The following TMEM132C variants were observed in gnomAD, a reference collection of about 807,000 sequenced individuals.
TMEM132C encodes protein phosphatase 1, regulatory subunit 152.
In TMEM132C, 29 loss-of-function variants were observed where a neutral mutation model predicts 61.4. The observed-to-expected ratio is 0.47, with a 90% confidence interval of 0.35 to 0.64. The LOEUF (loss-of-function observed/expected upper bound fraction) is 0.64. Among genes scored for constraint, TMEM132C ranks in the 30% least tolerant of loss-of-function variants. TMEM132C has a pLI of 0.00. For synonymous variants in TMEM132C, 656 were observed against 633.1 expected (o/e 1.04, Z -0.54); for missense variants, 1,408 against 1,476.9 (o/e 0.95, Z 0.76).
In TMEM132C at chr12:128,507,384, CTT is replaced by C. The variant is rs573964437; in HGVS notation, c.975-36561_975-36560del. ...CGAAGGTTTGTCCAGGTGTTTTTTTCTTTTTTTTTTTTTCTTTCTTTTTTTTT... is the reference window on the plus strand; with the variant it reads ...CGAAGGTTTGTCCAGGTGTTTTTTTCTTTTTTTTTTTCTTTCTTTTTTTTT... On this transcript the variant is annotated intron_variant, in intron 2 of 8. Transcript: ENST00000435159. Among the ~76,000 whole-genome samples the C allele has an allele frequency of 9.8e-4, 109 of 111,570 alleles. 2 individuals are homozygous for C. Among genetic ancestry groups the C allele is most frequent in the African/African-American group, 3.4e-3 (104 of 30,518 alleles). 73.2% of individuals were successfully genotyped at this position (111,570 alleles called of 152,430 possible). A position where few individuals can be genotyped will look rare whatever the true frequency, so the allele number is the denominator to read the frequency against.
chr12:128,399,238 T>A (rs545929660), intron 1 of TMEM132C, among the ~76,000 whole-genome samples: 2 of 152,332 alleles, frequency 1.3e-5, no homozygotes, highest in African/African-American at 2.4e-5. Flanking sequence ...AAAGAAAATA[T>A]GTGGACTATA....
chr12:128,574,833 C>G (rs1290841851), intron 3 of TMEM132C, among the ~76,000 whole-genome samples: 1 of 152,196 alleles, frequency 6.6e-6, no homozygotes, highest in Non-Finnish European at 1.5e-5. Context: ...AATGCATTCT[C>G]CAGTTGTCCT....
chr12:128,592,169 G>A (rs1052751778), intron 3 of TMEM132C, among the ~76,000 whole-genome samples: 12 of 151,904 alleles, frequency 7.9e-5, no homozygotes, highest in Admixed American at 2.6e-4. Context: ...CCCTTTAACT[G>A]GGCCAGGCAG....
At chr12:128,674,202 A>G (rs1031552041) in intron 5 of TMEM132C, among the ~76,000 whole-genome samples, 1 of 152,230 alleles carries the variant, frequency 6.6e-6, no homozygotes, top group Non-Finnish European at 1.5e-5. Context: ...CATGAATGGC[A>G]TCATACAGTA....
chr12:128,705,966 C>T lies in TMEM132C; in HGVS notation c.2998C>T (p.Arg1000Cys), dbSNP rs765900766. 6.2e-5 allele frequency: 96 copies of T among 1,551,522 alleles called. 1 individual carries two copies. The Admixed American group carries it at 6.3e-4, about 10-fold the overall frequency. Residue 1000 changes from arginine (R) to cysteine (C), a missense_variant, in exon 9 of 9, where the codon CGC (arginine) becomes TGC (cysteine). By Grantham distance (180) the Arg-to-Cys change is radical (BLOSUM62 -3). Transcript: ENST00000435159. The part of the protein sequence containing the change: ...PQDEHTTIID[R>C]GPGACEESNH... ...GGACGAGCACACCACCATCATAGAC[C>T]GCGGACCGGGGGCCTGCGAGGAGAG... is the stretch of plus-strand genomic sequence containing the variant.
intron 3 of TMEM132C, among the ~76,000 whole-genome samples, chr12:128,593,564 C>T (rs1429870848): frequency 1.3e-5 from 2 of 152,190 alleles, no homozygotes; most frequent in East Asian, 3.9e-4. Flanking sequence ...TTGAGTTGGT[C>T]TGGGTTCCGG....
chr12:128,471,214 A>G (rs544278258), intron 2 of TMEM132C, among the ~76,000 whole-genome samples: 3 of 152,344 alleles, frequency 2.0e-5, no homozygotes, highest in Admixed American at 2.0e-4. Flanking sequence ...AGATGTCTCC[A>G]GGCAGTGCCA....
At chr12:128,516,158 A>G (rs1160483881) in intron 2 of TMEM132C, among the ~76,000 whole-genome samples, 1 of 152,220 alleles carries the variant, frequency 6.6e-6, no homozygotes, top group Admixed American at 6.5e-5. Context: ...TTTAAAAAAT[A>G]ATAAAATAAA....
chr12:128,451,682 G>T (rs1254027265), intron 2 of TMEM132C, among the ~76,000 whole-genome samples: 6 of 152,172 alleles, frequency 3.9e-5, no homozygotes, highest in Admixed American at 6.5e-5. Context: ...TTATGAAAAA[G>T]AAATTCCCAG....
intron 2 of TMEM132C, among the ~76,000 whole-genome samples, chr12:128,425,730 G>A (rs1593048935): frequency 6.6e-6 from 1 of 152,156 alleles, no homozygotes; most frequent in Non-Finnish European, 1.5e-5. Flanking sequence ...TCCTTGGCTT[G>A]TGGCCACATC....
intron 3 of TMEM132C, among the ~76,000 whole-genome samples, chr12:128,606,190 G>C (rs900492214): frequency 1.3e-5 from 2 of 152,234 alleles, no homozygotes; most frequent in Admixed American, 1.3e-4. Context: ...GCTGGAGAAT[G>C]ACTACATGAC....
At chr12:128,426,581 G>A (rs772373018) in intron 2 of TMEM132C, among the ~76,000 whole-genome samples, 75 of 152,192 alleles carry the variant, frequency 4.9e-4, no homozygotes, top group Admixed American at 2.3e-3. Context: ...GGAAGGGTTT[G>A]TTTTCATTTT....
At chr12:128,658,215 A>T (rs368055547) in intron 4 of TMEM132C, among the ~76,000 whole-genome samples, 55 of 133,118 alleles carry the variant, frequency 4.1e-4, no homozygotes, top group African/African-American at 8.2e-4. Flanking sequence ...CATGGAGGCC[A>T]CAAGGCAGGA....
At position 128,705,979 on chromosome 12, in the gene TMEM132C, C is replaced by A. The variant is rs376908172; in HGVS notation, c.3011C>A (p.Ala1004Asp). ...HTTIIDRGPG[A>D]CEESNHLLLN... is the part of the protein sequence containing the mutation. ...ACCATCATAGACCGCGGACCGGGGG[C>A]CTGCGAGGAGAGCAACCATCTCCTG... Residue 1004 changes from alanine to aspartate, a missense_variant, in exon 9 of 9, where the codon GCC becomes GAC. Coordinates refer to ENST00000435159, the MANE Select transcript of TMEM132C (RefSeq NM_001136103.3). 8 of 1,551,632 alleles carry A rather than the reference C, an allele frequency of 5.2e-6. No individual in the cohort carries two copies. The East Asian group carries it at 2.0e-4, about 38-fold the overall frequency.
At position 128,498,397 on chromosome 12, in the gene TMEM132C, T is replaced by G. The variant is rs147007850; in HGVS notation, c.975-45560T>G. 7.3e-3 allele frequency among the ~76,000 whole-genome samples: 1,112 copies of G among 152,220 alleles called. 13 individuals are homozygous for G. The highest frequency in any genetic ancestry group is 0.025 in the African/African-American group (1,024 of 41,548). ...ATATAAAAAAAAACCTTAAGAAGGC[T>G]GGGTACAGTGGCTCACACCTGTAAT... is the stretch of plus-strand genomic sequence containing the variant. On this transcript the variant is annotated intron_variant, in intron 2 of 8. Coordinates refer to ENST00000435159, the MANE Select transcript of TMEM132C (RefSeq NM_001136103.3).
intron 1 of TMEM132C, among the ~76,000 whole-genome samples, chr12:128,310,731 C>G (rs111434646): frequency 3.3e-5 from 5 of 152,236 alleles, no homozygotes; most frequent in African/African-American, 1.2e-4. Context: ...GACATGCAAG[C>G]TATATCTACC....
intron 1 of TMEM132C, among the ~76,000 whole-genome samples, chr12:128,409,319 T>C (rs937408659): frequency 6.6e-6 from 1 of 152,004 alleles, no homozygotes; most frequent in Non-Finnish European, 1.5e-5. Context: ...TACCTTGGAG[T>C]TGAGCCTGTG....
intron 5 of TMEM132C, among the ~76,000 whole-genome samples, chr12:128,685,009 A>G (rs1273734609): frequency 2.0e-5 from 3 of 152,180 alleles, no homozygotes; most frequent in Non-Finnish European, 4.4e-5. Flanking sequence ...TCCCAAAGTC[A>G]GGTCCTGGTG....
chr12:128,589,111 G>C (rs1875654749), intron 3 of TMEM132C, among the ~76,000 whole-genome samples: 1 of 152,108 alleles, frequency 6.6e-6, no homozygotes, highest in African/African-American at 2.4e-5. Context: ...GTGAGAACCA[G>C]GTTGTCATGT....
Sources: allele counts gnomAD v4.1 joint callset (sites outside exome capture counted in the v4.1 genomes callset), GRCh38; gene constraint gnomAD v4.1.1; transcripts MANE v1.5; gene names NCBI Gene and HGNC (gene_info 2026-07-23, HGNC 2026-07-21).